Variants in PAK3 observed in about 807,000 individuals in gnomAD.
The protein encoded by PAK3 is serine/threonine-protein kinase PAK 3.
Under a neutral mutation model 41.0 loss-of-function variants are expected in PAK3, and 4 were observed. The observed-to-expected ratio is 0.10, with a 90% CI of 0.05 to 0.22. The LOEUF is 0.22. Among genes scored for constraint, PAK3 ranks in the 10% least tolerant of loss-of-function variants. The pLI, the probability that PAK3 is intolerant of heterozygous loss-of-function variation, is 1.00. For missense variants in PAK3, 205 were observed against 409.9 expected (o/e 0.50, Z 4.32); for synonymous variants, 146 against 139.6 (o/e 1.05, Z -0.32).
intron 13 of PAK3, 105 bp downstream of exon 13, chrX:111,192,723 T>G: frequency 2.0e-6 from 1 of 508,708 alleles, no homozygotes; most frequent in Admixed American, 2.8e-5. Flanking sequence ...CTGCAAATAT[T>G]TCTCAAATGC....
chrX:111,173,528 G>A (rs1378762839), intron 11 of PAK3, among the ~76,000 whole-genome samples: 1 of 111,222 alleles, frequency 9.0e-6, no homozygotes, highest in African/African-American at 3.3e-5. Context: ...GAATGATCCG[G>A]AGGTAGGCAG....
intron 1 of PAK3, among the ~76,000 whole-genome samples, chrX:111,034,857 T>G (rs2092377726): frequency 9.1e-6 from 1 of 110,299 alleles, no homozygotes; most frequent in Non-Finnish European, 1.9e-5. Context: ...TCCCAGCACT[T>G]TGGAAGGCTA....
chrX:111,147,926 TA>T, intron 7 of PAK3, 36 bp downstream of exon 7: 1 of 1,111,141 alleles, frequency 9.0e-7, no homozygotes, highest in Non-Finnish European at 1.2e-6. Context: ...GGTGAAAAAG[TA>T]ATTTCAATTT....
chrX:110,955,714 A>G lies in PAK3; in HGVS notation c.-28+11086A>G, dbSNP rs1269978838. Among the ~76,000 whole-genome samples the G allele has an allele frequency of 3.6e-5, 4 of 112,310 alleles. No individual in the cohort carries two copies. In the Admixed American group the frequency reaches 3.8e-4, roughly 11 times the overall value. ...GCCTCAATTGCTTACTCCATGTCTA[A>G]TGCCAGATAAGTCACTTTGCCTCTT... is the stretch of plus-strand genomic sequence containing the variant. On this transcript the variant is annotated intron_variant, in intron 1 of 14. Transcript: ENST00000425146.
intron 1 of PAK3, among the ~76,000 whole-genome samples, chrX:111,004,449 CAT>C (rs1469099162): frequency 3.6e-5 from 4 of 112,149 alleles, no homozygotes; most frequent in Admixed American, 9.4e-5. Flanking sequence ...GAAATGTACA[CAT>C]GTGTCTATTA....
At chrX:111,035,105 C>CAAAAAAAAAAAAAAAAAAAA (rs533876214) in intron 1 of PAK3, among the ~76,000 whole-genome samples, 5 of 39,552 alleles carry the variant, frequency 1.3e-4, no homozygotes, top group African/African-American at 7.0e-4. Flanking sequence ...GACCCTGTCT[C>CAAAAAAAAAAAAAAAAAAAA]AAAAAAAAAA....
chrX:111,082,574 G>A (rs2092843473), intron 1 of PAK3, among the ~76,000 whole-genome samples: 1 of 111,375 alleles, frequency 9.0e-6, no homozygotes, highest in East Asian at 2.8e-4. Flanking sequence ...TTCTCATTGG[G>A]CTTAGTTGCT....
chrX:111,025,981 G>A (rs1432223283), intron 1 of PAK3, among the ~76,000 whole-genome samples: 1 of 111,417 alleles, frequency 9.0e-6, no homozygotes, highest in Non-Finnish European at 1.9e-5. Context: ...TTCATATGAG[G>A]GATGCACAGA....
At chrX:110,973,738 C>T (rs2091262738) in intron 1 of PAK3, among the ~76,000 whole-genome samples, 1 of 111,937 alleles carries the variant, frequency 8.9e-6, no homozygotes, top group African/African-American at 3.3e-5. Flanking sequence ...TGTAAATGGG[C>T]TAAATCCTCC....
At position 111,147,742 on chromosome X, in the gene PAK3, T is replaced by A; in HGVS notation, c.282T>A (p.Ile94=). The part of the protein sequence containing the change: ...FDAVTGEFTG[I]PEQWARLLQT... The stretch of plus-strand genomic sequence containing the variant: ...TTCCCTTTGGTTGTCCACAGGGAAT[T>A]CCAGAGCAATGGGCACGATTACTCC... The change falls in exon 7 of 18, where the codon ATT becomes ATA. Residue 94 remains isoleucine (I), a synonymous_variant. Coordinates refer to ENST00000372007, the MANE Select transcript of PAK3 (RefSeq NM_002578.5). 8.4e-7 allele frequency: 1 copy of A among 1,197,349 alleles called. No individual in the cohort carries two copies. Among genetic ancestry groups the A allele is most frequent in the Non-Finnish European group, 1.1e-6 (1 of 882,408 alleles).
chrX:111,121,537 G>A (rs1219513724), intron 4 of PAK3, among the ~76,000 whole-genome samples: 1 of 111,830 alleles, frequency 8.9e-6, no homozygotes, highest in Non-Finnish European at 1.9e-5. Context: ...CCACTAAAGG[G>A]CCGGAAAGCA....
rs1357531600 is a variant in PAK3, at chrX:111,224,135, T to C, written c.*3688T>C. 9.0e-6 allele frequency: 1 copy of C among 111,399 alleles called. No individual in the cohort carries two copies. The highest frequency in any genetic ancestry group is 3.3e-5 in the African/African-American group (1 of 30,635). 9.2% of individuals were successfully genotyped at this position (111,399 alleles called of 1,213,427 possible). On this transcript the variant is annotated 3_prime_UTR_variant, in exon 18 of 18. Transcript: ENST00000372007. The stretch of plus-strand genomic sequence containing the variant: ...CTTTATGCTTGCCTGGGTGCTGAGG[T>C]TGGCACACGCTCGGGTATGGCACAC...
rs180818698 is a variant in PAK3, at chrX:111,121,615, G to A, written c.-27-1462G>A. On this transcript the variant is annotated intron_variant, in intron 4 of 17. Transcript: ENST00000372007. ...CTGTTTTTGTTTTTATTGTTCTTAG[G>A]TTTGTTCATAGTAAATGTTGTGGAA... Among the ~76,000 whole-genome samples, 4 of 111,802 alleles carry A rather than the reference G, an allele frequency of 3.6e-5. 1 individual carries two copies. In the Admixed American group the frequency reaches 3.8e-4, roughly 11 times the overall value.
intron 1 of PAK3, among the ~76,000 whole-genome samples, chrX:110,947,949 G>T (rs910350614): frequency 8.9e-6 from 1 of 112,008 alleles, no homozygotes; most frequent in Non-Finnish European, 1.9e-5. Flanking sequence ...ATCTCTGTAA[G>T]TATTTTGAGC....
At chrX:111,084,457 G>A (rs2092862390) in intron 1 of PAK3, among the ~76,000 whole-genome samples, 1 of 112,816 alleles carries the variant, frequency 8.9e-6, no homozygotes, top group Non-Finnish European at 1.9e-5. Flanking sequence ...GGCTATAAAT[G>A]TTTAGCCCTA....
chrX:111,208,076 G>A lies in PAK3; in HGVS notation c.1408-8345G>A, dbSNP rs187634626. On this transcript the variant is annotated intron_variant, in intron 16 of 17. Transcript: ENST00000372007. ...CCCAAAGTGCTGGGGTTACAGGCGT[G>A]AGCCACCACGCCCAGCCTGTTTGTG... Among the ~76,000 whole-genome samples, 1,115 of 112,554 alleles carry A rather than the reference G, an allele frequency of 9.9e-3. 11 individuals carry two copies. The highest frequency in any genetic ancestry group is 0.017 in the Admixed American group (186 of 10,684).
chrX:111,082,851 A>G (rs2092845927), intron 1 of PAK3, among the ~76,000 whole-genome samples: 1 of 111,535 alleles, frequency 9.0e-6, no homozygotes, highest in Non-Finnish European at 1.9e-5. Context: ...TTGATACCTA[A>G]CCATGAGTTT....
At chrX:111,162,860 A>G (rs2094207922) in intron 8 of PAK3, 55 bp from the exon 9 acceptor site, 12 of 1,078,486 alleles carry the variant, frequency 1.1e-5, no homozygotes, top group South Asian at 1.9e-5. Flanking sequence ...TTTATTTCTG[A>G]AGAAAAACAA....
intron 5 of PAK3, among the ~76,000 whole-genome samples, chrX:111,139,737 AT>A (rs1222297209): frequency 8.9e-6 from 1 of 112,165 alleles, no homozygotes; most frequent in Non-Finnish European, 1.9e-5. Context: ...TGTTGAGTCA[AT>A]TTGCTACAAA....
Sources: allele counts gnomAD v4.1 joint callset (sites outside exome capture counted in the v4.1 genomes callset), GRCh38; gene constraint gnomAD v4.1.1; transcripts MANE v1.5; gene names NCBI Gene and HGNC (gene_info 2026-07-23, HGNC 2026-07-21).